The following ANK2 variants were observed in gnomAD, a reference collection of about 807,000 sequenced individuals.
ANK2 encodes ankyrin-2.
A neutral mutation model predicts 360.5 loss-of-function variants in ANK2; 83 were observed. The observed-to-expected ratio is 0.23, with a 90% CI of 0.19 to 0.28. The LOEUF (loss-of-function observed/expected upper bound fraction) is 0.28. ANK2 is among the 10% of genes least tolerant of loss of function. The pLI is 1.00. For missense variants in ANK2, 4,201 were observed against 4,795.7 expected (o/e 0.88, Z 3.66); for synonymous variants, 1,740 against 1,759.5 (o/e 0.99, Z 0.28).
the ANK2 span, among the ~76,000 whole-genome samples, chr4:112,812,491 G>T: frequency 3.3e-5 from 5 of 152,244 alleles, no homozygotes; most frequent in South Asian, 2.1e-4. Flanking sequence ...TAAGAGGCAC[G>T]CAGAGATGAT....
chr4:113,127,292 A>G (rs1019282298), intron 1 of ANK2, among the ~76,000 whole-genome samples: 1 of 152,138 alleles, frequency 6.6e-6, no homozygotes, highest in Non-Finnish European at 1.5e-5. Flanking sequence ...TTTGTTGAAT[A>G]ACTGCTATGA....
chr4:112,779,154 T>C, the ANK2 span, among the ~76,000 whole-genome samples: 1 of 152,360 alleles, frequency 6.6e-6, no homozygotes, highest in African/African-American at 2.4e-5. Context: ...AGTCCTGGTA[T>C]ATTTTTTAAT....
At chr4:113,067,783 G>A (rs1278852117) in intron 1 of ANK2, among the ~76,000 whole-genome samples, 1 of 152,202 alleles carries the variant, frequency 6.6e-6, no homozygotes, top group East Asian at 1.9e-4. Context: ...ATTTTAAGAA[G>A]TATTCTTCTT....
intron 24 of ANK2, among the ~76,000 whole-genome samples, chr4:113,314,342 A>G (rs2153827955): frequency 6.6e-6 from 1 of 152,346 alleles, no homozygotes; most frequent in East Asian, 1.9e-4. Flanking sequence ...AATAAATATT[A>G]CAGTTTACCA....
At chr4:112,917,715 G>C (rs1167317673) in intron 2 of ANK2, among the ~76,000 whole-genome samples, 1 of 152,136 alleles carries the variant, frequency 6.6e-6, no homozygotes, top group East Asian at 1.9e-4. Flanking sequence ...CAGTCTCTTG[G>C]GGGTGAATTC....
chr4:112,921,521 G>A (rs1436774328), intron 2 of ANK2, among the ~76,000 whole-genome samples: 1 of 151,710 alleles, frequency 6.6e-6, no homozygotes, highest in Non-Finnish European at 1.5e-5. Context: ...GGAGTGCAGT[G>A]GCAATTCACA....
the ANK2 span, among the ~76,000 whole-genome samples, chr4:112,761,068 A>C: frequency 6.6e-6 from 1 of 151,606 alleles, no homozygotes; most frequent in African/African-American, 2.4e-5. Context: ...CGGCCTCCCA[A>C]AGTGCTGAGA....
At chr4:112,765,001 C>G in the ANK2 span, among the ~76,000 whole-genome samples, 2 of 152,130 alleles carry the variant, frequency 1.3e-5, no homozygotes, top group Non-Finnish European at 2.9e-5. Context: ...CCACCGTGCC[C>G]GGCAATGCTA....
intron 43 of ANK2, among the ~76,000 whole-genome samples, chr4:113,372,318 T>G (rs1229996645): frequency 6.6e-6 from 1 of 152,184 alleles, no homozygotes; most frequent in Admixed American, 6.5e-5. Context: ...TCCAGAATTT[T>G]TTTTCATTCA....
chr4:113,340,848 CAA>C (rs1224495854), intron 32 of ANK2, among the ~76,000 whole-genome samples: 10 of 74,142 alleles, frequency 1.3e-4, no homozygotes, highest in Non-Finnish European at 1.4e-4. Flanking sequence ...GACAACGTCT[CAA>C]AAAAAAAAAA....
intron 2 of ANK2, among the ~76,000 whole-genome samples, chr4:113,187,092 A>T (rs559350727): frequency 3.3e-5 from 5 of 152,250 alleles, no homozygotes; most frequent in African/African-American, 9.6e-5. Context: ...CTTAAAAAAA[A>T]AAAAGAAAGC....
intron 26 of ANK2, among the ~76,000 whole-genome samples, chr4:113,327,419 G>A (rs1196238993): frequency 1.3e-5 from 2 of 152,122 alleles, no homozygotes; most frequent in Admixed American, 1.3e-4. Context: ...ATAGTGATTC[G>A]AATGAATTCT....
At chr4:112,743,609 C>T in the ANK2 span, among the ~76,000 whole-genome samples, 1 of 126,810 alleles carries the variant, frequency 7.9e-6, no homozygotes, top group Non-Finnish European at 1.6e-5. Context: ...CTGGCACGAT[C>T]TCGGCTCACT....
At chr4:113,315,920 A>G (rs921730692) in intron 24 of ANK2, among the ~76,000 whole-genome samples, 3 of 146,826 alleles carry the variant, frequency 2.0e-5, no homozygotes, top group African/African-American at 7.8e-5. Flanking sequence ...AAAAAAAAAA[A>G]AGAATTGCTG....
At chr4:113,373,973 G>A (rs1172380134) in intron 45 of ANK2, among the ~76,000 whole-genome samples, 1 of 152,202 alleles carries the variant, frequency 6.6e-6, no homozygotes, top group Non-Finnish European at 1.5e-5. Context: ...CACCCAGGCT[G>A]GAGAGCAGTG....
intron 13 of ANK2, 53 bp downstream of exon 13, chr4:113,258,464 G>C: frequency 6.5e-7 from 1 of 1,533,132 alleles, no homozygotes; most frequent in Non-Finnish European, 9.0e-7. Context: ...GAGAGGAACA[G>C]AGATTGTGGG....
chr4:112,746,996 G>C, the ANK2 span, among the ~76,000 whole-genome samples: 1 of 152,082 alleles, frequency 6.6e-6, no homozygotes, highest in Non-Finnish European at 1.5e-5. Flanking sequence ...TATTATTTCA[G>C]GAATTAAGCA....
the ANK2 span, among the ~76,000 whole-genome samples, chr4:112,810,708 C>T: frequency 3.3e-5 from 5 of 151,486 alleles, no homozygotes; most frequent in Admixed American, 2.0e-4. Context: ...CCCACCACCT[C>T]GCTCGGCTAA....
chr4:113,345,759 T>C, intron 34 of ANK2, 141 bp from the exon 35 acceptor site: 1 of 1,203,342 alleles, frequency 8.3e-7, no homozygotes, highest in Non-Finnish European at 1.2e-6. Context: ...CAAATGGTAA[T>C]AGGAAAAGAG....
Sources: allele counts gnomAD v4.1 joint callset (sites outside exome capture counted in the v4.1 genomes callset), GRCh38; gene constraint gnomAD v4.1.1; transcripts MANE v1.5; gene names NCBI Gene and HGNC (gene_info 2026-07-23, HGNC 2026-07-21).